The following AOPEP variants were observed in gnomAD, a reference collection of about 807,000 sequenced individuals.
AOPEP encodes the protein aminopeptidase O.
A neutral mutation model predicts 98.1 loss-of-function variants in AOPEP; 77 were observed. The observed-to-expected ratio is 0.78, with a 90% CI of 0.65 to 0.95. The LOEUF (loss-of-function observed/expected upper bound fraction) is 0.95. AOPEP is among the 40% of genes least tolerant of loss of function. The pLI is 0.00. For missense variants in AOPEP, 1,024 were observed against 1,024.7 expected (o/e 1.00, Z 0.01); for synonymous variants, 346 against 365.3 (o/e 0.95, Z 0.60).
chr9:94,873,199 T>C (rs916261541), intron 5 of AOPEP, among the ~76,000 whole-genome samples: 1 of 152,200 alleles, frequency 6.6e-6, no homozygotes, highest in Non-Finnish European at 1.5e-5. Context: ...CCAGGGGCAT[T>C]GTTTCTAGTC....
intron 13 of AOPEP, among the ~76,000 whole-genome samples, chr9:95,050,806 G>A (rs2066276322): frequency 6.6e-6 from 1 of 152,208 alleles, no homozygotes; most frequent in South Asian, 2.1e-4. Context: ...AAATATTTAT[G>A]TTGTCTTGAC....
rs1208875953 is a variant in AOPEP, at chr9:94,785,487, C to T, written c.965-7278C>T. Among the ~76,000 whole-genome samples the T allele has an allele frequency of 2.0e-5, 3 of 152,164 alleles. No homozygotes were observed. The East Asian group carries it at 5.8e-4, about 29-fold the overall frequency. ...CCAATAGGAGAAAGTGATGTAGGGG[C>T]GTTAGAGAACTCTGGTCTCTTTCTG... On this transcript the variant is annotated intron_variant, in intron 3 of 16. Coordinates refer to ENST00000375315, the MANE Select transcript of AOPEP (RefSeq NM_001193329.3).
intron 3 of AOPEP, among the ~76,000 whole-genome samples, chr9:94,791,634 G>A (rs1183003271): frequency 6.6e-6 from 1 of 152,078 alleles, no homozygotes; most frequent in Admixed American, 6.5e-5. Flanking sequence ...GCAGTGAACT[G>A]TGATCACGCC....
At position 94,760,091 on chromosome 9, in the gene AOPEP, G is replaced by A. The variant is rs118018100; in HGVS notation, c.308G>A (p.Ser103Asn). ...EMEYNDFAIC[S>N]KGEKDTSDKD... The stretch of plus-strand genomic sequence containing the variant: ...GAATATAATGATTTTGCAATCTGTA[G>A]TAAAGGTGAAAAAGATACTTCTGAT... The change falls in exon 2 of 17, where the codon AGT becomes AAT. Residue 103 changes from serine (S) to asparagine (N), a missense_variant. This residue lies in a region of AOPEP where 440 missense variants were observed against 433.8 expected (regional missense o/e 1.01). Coordinates refer to ENST00000375315, the MANE Select transcript of AOPEP (RefSeq NM_001193329.3). 2,666 of 1,614,146 alleles carry A rather than the reference G, an allele frequency of 1.7e-3. 44 individuals carry two copies. In the East Asian group the frequency reaches 0.033, roughly 20 times the overall value.
At chr9:95,137,262 C>T in the AOPEP span, among the ~76,000 whole-genome samples, 1 of 152,110 alleles carries the variant, frequency 6.6e-6, no homozygotes, top group Admixed American at 6.6e-5. Context: ...ACTTTTTCTG[C>T]TTGCTTGGTG....
At chr9:95,090,770 G>A (rs1184318784), downstream of AOPEP, among the ~76,000 whole-genome samples, 1 of 152,222 alleles carries the variant, frequency 6.6e-6, no homozygotes, top group Non-Finnish European at 1.5e-5. Context: ...GAGGATACAG[G>A]AAAGAAACAC....
the AOPEP span, among the ~76,000 whole-genome samples, chr9:95,141,453 T>A: frequency 1.3e-5 from 2 of 152,294 alleles, no homozygotes; most frequent in East Asian, 1.9e-4. Context: ...TATGCTGACT[T>A]TTCTTTGTTT....
At chr9:95,137,934 C>A in the AOPEP span, among the ~76,000 whole-genome samples, 1 of 152,250 alleles carries the variant, frequency 6.6e-6, no homozygotes, top group Non-Finnish European at 1.5e-5. Context: ...GCCAGGACTG[C>A]AGACAGGACT....
chr9:94,805,876 T>C (rs1172707970), intron 5 of AOPEP, among the ~76,000 whole-genome samples: 3 of 152,244 alleles, frequency 2.0e-5, no homozygotes, highest in East Asian at 1.9e-4. Context: ...AAACATAACA[T>C]GCTGGTACAA....
intron 13 of AOPEP, among the ~76,000 whole-genome samples, chr9:95,038,891 T>C (rs1048470261): frequency 2.0e-5 from 3 of 152,174 alleles, no homozygotes; most frequent in African/African-American, 7.2e-5. Flanking sequence ...GCTTAATATC[T>C]GTACTAGAAA....
At chr9:95,068,492 T>G (rs1293644768) in intron 14 of AOPEP, among the ~76,000 whole-genome samples, 1 of 152,226 alleles carries the variant, frequency 6.6e-6, no homozygotes, top group Non-Finnish European at 1.5e-5. Flanking sequence ...AGTTAAACCT[T>G]TTGCTCATTT....
the AOPEP span, chr9:95,101,114 G>A: frequency 2.9e-5 from 7 of 241,000 alleles, no homozygotes; most frequent in Admixed American, 3.5e-4. Flanking sequence ...AGAGTGGAAA[G>A]AGTGTGCCGG....
chr9:94,923,878 T>G (rs941602828), intron 5 of AOPEP, 108 bp from the exon 6 acceptor site: 26 of 628,592 alleles, frequency 4.1e-5, no homozygotes, highest in Non-Finnish European at 6.3e-5. Flanking sequence ...TGATCTAGCA[T>G]GCACATGATA....
chr9:95,095,928 A>C, the AOPEP span, among the ~76,000 whole-genome samples: 1 of 152,212 alleles, frequency 6.6e-6, no homozygotes, highest in Non-Finnish European at 1.5e-5. Flanking sequence ...GTTCTAAATG[A>C]AAGACCAGAA....
the AOPEP span, chr9:95,135,401 G>C: frequency 1.2e-6 from 2 of 1,614,004 alleles, no homozygotes; most frequent in Non-Finnish European, 1.7e-6. Flanking sequence ...TCTCTCACTG[G>C]AGATTAGCTT....
downstream of AOPEP, among the ~76,000 whole-genome samples, chr9:95,088,512 C>G (rs2070819814): frequency 6.7e-6 from 1 of 150,188 alleles, no homozygotes; most frequent in African/African-American, 2.5e-5. Flanking sequence ...CCCGGCCTCT[C>G]TCTCTCTCTC....
chr9:94,873,314 G>C (rs1196170873), intron 5 of AOPEP, among the ~76,000 whole-genome samples: 1 of 152,112 alleles, frequency 6.6e-6, no homozygotes, highest in Admixed American at 6.6e-5. Context: ...ATTTTTACTT[G>C]TCTTACTTCA....
chr9:94,755,786 C>G (rs566675333), intron 1 of AOPEP, among the ~76,000 whole-genome samples: 151 of 152,242 alleles, frequency 9.9e-4, no homozygotes, highest in Admixed American at 1.9e-3. Flanking sequence ...CTGTTAGTGG[C>G]AAACAAAAAG....
Position 95,005,207 on chromosome 9 carries a change from A to C in AOPEP, c.2027A>C (p.Gln676Pro), listed in dbSNP as rs2061897306. The part of the protein sequence containing the change: ...RAGAECGLAR[Q>P]VRAEVTKWIG... ...GGGGCGGAGTGCGGGCTTGCGCGGCAAGTGCGCGCCGAGGTGAGTGCGGGC... is the reference window on the plus strand; with the variant it reads ...GGGGCGGAGTGCGGGCTTGCGCGGCCAGTGCGCGCCGAGGTGAGTGCGGGC... The change falls in exon 12 of 17, where the codon CAA (glutamine) becomes CCA (proline). Residue 676 changes from glutamine (Q) to proline (P), a missense_variant. Physicochemically the swap from Gln to Pro is moderately conservative, Grantham distance 76 (BLOSUM62 -1). Around this residue, in one of 3 missense-constraint regions of AOPEP, gnomAD observed 566 missense variants for 551.7 expected, o/e 1.03. Coordinates refer to ENST00000375315, the MANE Select transcript of AOPEP (RefSeq NM_001193329.3). 4 of 1,126,920 alleles carry C rather than the reference A, an allele frequency of 3.5e-6. No homozygotes were observed. Among genetic ancestry groups the C allele is most frequent in the East Asian group, 5.1e-5 (1 of 19,576 alleles). The allele number at this position is 1,126,920 out of a possible 1,614,324, so 69.8% of individuals were successfully genotyped here.
Sources: gnomAD v4.1 joint callset for allele counts (sites outside exome capture counted in the v4.1 genomes callset) on GRCh38, gnomAD v4.1.1 for gene constraint, gnomAD v4.1.1 regional missense constraint, MANE v1.5 for transcripts, NCBI Gene and HGNC (gene_info 2026-07-23, HGNC 2026-07-21) for gene names.